The following BRCA1 variants were observed in gnomAD, a reference collection of about 807,000 sequenced individuals.
The protein encoded by BRCA1 is BRCA1 DNA repair associated, also known as breast cancer type 1 susceptibility protein.
Under a neutral mutation model 173.7 loss-of-function variants are expected in BRCA1, and 140 were observed. The ratio of observed to expected loss-of-function variants is 0.81; its 90% CI spans 0.70 to 0.93. The LOEUF (loss-of-function observed/expected upper bound fraction) is 0.93. BRCA1 is among the 40% of genes least tolerant of loss of function. The pLI, the probability that BRCA1 is intolerant of heterozygous loss-of-function variation, is 0.00. For synonymous variants in BRCA1, 662 were observed against 756.0 expected, an observed-to-expected ratio of 0.88 and a Z score of 2.04; for missense variants, 1,983 against 2,172.5, an observed-to-expected ratio of 0.91 and a Z score of 1.73.
chr17:43,064,249 A>G (rs2051953778), intron 16 of BRCA1, among the ~76,000 whole-genome samples: 1 of 152,240 alleles, frequency 6.6e-6, no homozygotes, highest in African/African-American at 2.4e-5. Flanking sequence ...GATCTCCATT[A>G]TAGTGTTCAA....
At chr17:43,049,928 C>A (rs1167216956) in intron 20 of BRCA1, 1 of 395,080 alleles carries the variant, frequency 2.5e-6, no homozygotes, top group Non-Finnish European at 4.5e-6. Flanking sequence ...AACTCACCCC[C>A]AAAATAATAC....
rs1567759641 is a variant in BRCA1 at position 43,049,643 on chromosome 17, G to A, written c.5333-449C>T. 1.3e-5 allele frequency among the ~76,000 whole-genome samples: 2 copies of A among 152,166 alleles called. No individual in the cohort carries two copies. The highest frequency in any genetic ancestry group is 2.9e-5 in the Non-Finnish European group (2 of 68,038). On this transcript the variant is annotated intron_variant, in intron 20 of 22. Coordinates refer to ENST00000357654, the MANE Select transcript of BRCA1 (RefSeq NM_007294.4). ...GTGGTAATTACTGTAAATGTCAAGA[G>A]ATGGGAAGATAATTCATCCAGTCAA...
At chr17:43,081,185 G>T (rs1475995327) in intron 12 of BRCA1, among the ~76,000 whole-genome samples, 3 of 152,198 alleles carry the variant, frequency 2.0e-5, no homozygotes, top group East Asian at 3.8e-4. Context: ...TTAGACTGAA[G>T]ATGGTGAAAG....
chr17:43,139,634 G>A (rs909032515), intron 1 of BRCA1, among the ~76,000 whole-genome samples: 59 of 152,216 alleles, frequency 3.9e-4, no homozygotes, highest in African/African-American at 1.3e-3. Context: ...GATTACAGGC[G>A]TGAGCCACCG....
At chr17:43,115,070 G>C (rs1215457554) in intron 3 of BRCA1, among the ~76,000 whole-genome samples, 1 of 152,138 alleles carries the variant, frequency 6.6e-6, no homozygotes, top group Non-Finnish European at 1.5e-5. Context: ...AATGCATAAG[G>C]ATATGCAGAA....
intron 6 of BRCA1, among the ~76,000 whole-genome samples, chr17:43,100,568 AT>A: frequency 1.1e-5 from 1 of 89,194 alleles, no homozygotes; most frequent in African/African-American, 4.0e-5. Flanking sequence ...GTATATATAT[AT>A]ATAACATATA....
In BRCA1 at chr17:43,104,231, T is replaced by A. The variant is rs80357312; in HGVS notation, c.332A>T (p.Glu111Val). 1 of 1,612,740 alleles carries A rather than the reference T, an allele frequency of 6.2e-7. No individual in the cohort carries two copies. The highest frequency in any genetic ancestry group is 1.3e-5 in the African/African-American group (1 of 75,018). The change falls in exon 6 of 23, where the codon GAA (glutamate) becomes GTA (valine). Residue 111 changes from glutamate (E) to valine (V), a missense_variant. Glu to Val is a moderately radical substitution (Grantham distance 121). Transcript: ENST00000357654. ...YANSYNFAKK[E>V]NNSPEHLKDE... ...TTTTAGATGTTCAGGAGAGTTATTTTCCTTTTTTGCAAAATTATAGCTGTT... is the reference window on the plus strand; with the variant it reads ...TTTTAGATGTTCAGGAGAGTTATTTACCTTTTTTGCAAAATTATAGCTGTT...
At chr17:43,113,735 T>G (rs1350373748) in intron 3 of BRCA1, among the ~76,000 whole-genome samples, 2 of 152,174 alleles carry the variant, frequency 1.3e-5, no homozygotes, top group African/African-American at 4.8e-5. Context: ...ATTTCCTTCT[T>G]CCACAAGTTC....
chr17:43,119,164 CTT>C (rs976542560), intron 2 of BRCA1: 3 of 213,358 alleles, frequency 1.4e-5, no homozygotes, highest in African/African-American at 6.8e-5. Flanking sequence ...AAATATTTAA[CTT>C]TTTAGAAAAG....
chr17:43,091,203 G>A, intron 10 of BRCA1, 171 bp from the exon 11 acceptor site: 1 of 865,686 alleles, frequency 1.2e-6, no homozygotes, highest in Admixed American at 2.1e-5. Context: ...GAAACCAGAA[G>A]TAAGTCCACC....
intron 3 of BRCA1, among the ~76,000 whole-genome samples, chr17:43,113,423 T>C (rs1002561192): frequency 2.6e-5 from 4 of 151,674 alleles, no homozygotes; most frequent in Non-Finnish European, 5.9e-5. Flanking sequence ...CTGGAGTGCA[T>C]TGGCATGATC....
chr17:43,167,433 G>A (rs2056275281), intron 1 of BRCA1: 1 of 152,140 alleles, frequency 6.6e-6, no homozygotes, highest in South Asian at 2.1e-4. Flanking sequence ...GCAAGCAGGG[G>A]GTACGTGACT....
intron 3 of BRCA1, 31 bp downstream of exon 3, chr17:43,115,695 T>A: frequency 6.2e-7 from 1 of 1,604,640 alleles, no homozygotes. Flanking sequence ...CAAAAGCTAA[T>A]AATGGAGCCA....
intron 11 of BRCA1, among the ~76,000 whole-genome samples, chr17:43,089,549 CTTT>C (rs869038623): frequency 8.2e-6 from 1 of 121,720 alleles, no homozygotes. Context: ...TGTGTACTTT[CTTT>C]TTTTTTTTTT....
In BRCA1 at chr17:43,136,256, C is replaced by T. The variant is rs545034008; in HGVS notation, c.-19-12141G>A. ...TATGCAGAAAACTGAAACTGGACCC[C>T]TTCCTTACACCTTATACAAAAATTA... On this transcript the variant is annotated intron_variant, in intron 1 of 7. Transcript: ENST00000634433. 2.0e-5 allele frequency among the ~76,000 whole-genome samples: 3 copies of T among 152,294 alleles called. No homozygotes were observed. In the South Asian group the frequency reaches 6.2e-4, roughly 32 times the overall value.
intron 1 of BRCA1, among the ~76,000 whole-genome samples, chr17:43,139,657 AC>A (rs2056059581): frequency 6.6e-6 from 1 of 151,950 alleles, no homozygotes; most frequent in Non-Finnish European, 1.5e-5. Context: ...CCTGGCCAGT[AC>A]CCAGTAGTTT....
rs1241906659 is a variant in BRCA1, at chr17:43,044,603, T to C, written c.*1075A>G. ...TCATTTTATAGATATGAAATATTCA[T>C]GCCAGAGGTCTTATATTTTAAGAGG... On this transcript the variant is annotated 3_prime_UTR_variant, in exon 23 of 23. Transcript: ENST00000357654. The C allele has an allele frequency of 4.0e-6, 2 of 504,084 alleles. No homozygotes were observed. Among genetic ancestry groups the C allele is most frequent in the South Asian group, 1.5e-5 (1 of 64,898 alleles). 31.2% of individuals were successfully genotyped at this position (504,084 alleles called of 1,614,324 possible).
intron 1 of BRCA1, among the ~76,000 whole-genome samples, chr17:43,165,533 A>T (rs2056260916): frequency 6.6e-6 from 1 of 151,962 alleles, no homozygotes; most frequent in Admixed American, 6.6e-5. Context: ...TTACTTTTAA[A>T]TTATACAACA....
intron 1 of BRCA1, among the ~76,000 whole-genome samples, chr17:43,157,964 C>T (rs1304103884): frequency 1.4e-5 from 2 of 144,858 alleles, no homozygotes; most frequent in African/African-American, 5.2e-5. Context: ...CATTGCACTC[C>T]AGCCTGGGCA....
Sources: allele counts gnomAD v4.1 joint callset (sites outside exome capture counted in the v4.1 genomes callset), GRCh38; gene constraint gnomAD v4.1.1; transcripts MANE v1.5; gene names NCBI Gene and HGNC (gene_info 2026-07-23, HGNC 2026-07-21).